ADARB1: variants seen among roughly 807,000 people sequenced by gnomAD.
ADARB1 encodes double-stranded RNA-specific editase 1.
ADARB1 carries 10 observed loss-of-function variants against 52.4 expected under a neutral mutation model. That is an observed-to-expected ratio of 0.19 (90% CI 0.12 to 0.32). ADARB1 has a LOEUF of 0.32. Among genes scored for constraint, ADARB1 ranks in the 10% least tolerant of loss-of-function variants. ADARB1 has a pLI of 1.00. For missense variants in ADARB1, 643 were observed against 922.3 expected (o/e 0.70, Z 3.92); for synonymous variants, 349 against 371.1 (o/e 0.94, Z 0.68).
In ADARB1 at chr21:45,176,118, G is replaced by A. The variant is rs753361667; in HGVS notation, c.417G>A (p.Leu139=). The A allele has an allele frequency of 1.9e-6, 3 of 1,614,064 alleles. No homozygotes were observed. The highest frequency in any genetic ancestry group is 1.7e-5 in the Admixed American group (1 of 59,988). Residue 139 remains leucine, a synonymous_variant, in exon 4 of 11, where the codon TTG becomes TTA. Transcript: ENST00000348831. This position sits in a 1 kb window ranked among gnomAD's most constrained non-coding sequence, Gnocchi z 5.8. ...AACTCCATGCTGCTGAGAAGGCCTT[G>A]AGGTCTTTCGTTCAGTTTCCTAATG... The part of the protein sequence containing the change: ...KAKLHAAEKA[L]RSFVQFPNAS...
chr21:45,104,992 A>AT (rs1303334207), intron 1 of ADARB1, among the ~76,000 whole-genome samples: 2 of 152,226 alleles, frequency 1.3e-5, no homozygotes, highest in Non-Finnish European at 2.9e-5. Flanking sequence ...AACAGGGTTA[A>AT]AGTGGAGACA....
chr21:45,110,774 A>C (rs2087497776), intron 1 of ADARB1, among the ~76,000 whole-genome samples: 1 of 152,190 alleles, frequency 6.6e-6, no homozygotes, highest in Admixed American at 6.5e-5. Context: ...TTTTAATCAG[A>C]TCTCATGGAC....
At chr21:45,170,555 G>T (rs2091438636) in intron 2 of ADARB1, among the ~76,000 whole-genome samples, 1 of 151,648 alleles carries the variant, frequency 6.6e-6, no homozygotes, top group Non-Finnish European at 1.5e-5. Flanking sequence ...TTATTAACAT[G>T]ATTTCATGAA....
At chr21:45,093,590 G>A (rs576065195) in intron 1 of ADARB1, among the ~76,000 whole-genome samples, 2 of 152,294 alleles carry the variant, frequency 1.3e-5, no homozygotes, top group African/African-American at 4.8e-5. Context: ...TCGGGGTGTT[G>A]GGAAGTTCTG....
At chr21:45,182,247 G>A (rs1208389500) in intron 5 of ADARB1, among the ~76,000 whole-genome samples, 1 of 152,138 alleles carries the variant, frequency 6.6e-6, no homozygotes, top group Non-Finnish European at 1.5e-5. Flanking sequence ...TTTCCATAGT[G>A]TTGCCCAGCT....
At chr21:45,191,866 ATATATATATATATATT>A (rs2092294793) in intron 8 of ADARB1, among the ~76,000 whole-genome samples, 1 of 13,712 alleles carries the variant, frequency 7.3e-5, no homozygotes, top group African/African-American at 2.1e-4. Context: ...ATATATATAT[ATATATATATATATATT>A]TTTTTTTTTT....
At chr21:45,139,043 C>T (rs1381502291) in intron 2 of ADARB1, among the ~76,000 whole-genome samples, 5 of 152,090 alleles carry the variant, frequency 3.3e-5, no homozygotes, top group African/African-American at 4.8e-5. Flanking sequence ...GCCACAGCCT[C>T]CTGAGTAGCT....
At position 45,148,031 on chromosome 21, in the gene ADARB1, G is replaced by T. The variant is rs186473043; in HGVS notation, c.-48+19458G>T. Among the ~76,000 whole-genome samples the T allele has an allele frequency of 2.0e-3, 305 of 152,238 alleles. 3 individuals are homozygous for T. The highest frequency in any genetic ancestry group is 6.8e-3 in the African/African-American group (281 of 41,532). Reference sequence around the variant, plus strand: ...CTCGAACTCACCCCACCAGAGGCCTGTCGGCATCACTGTCAGAAACAGGCG... The same window carrying T: ...CTCGAACTCACCCCACCAGAGGCCTTTCGGCATCACTGTCAGAAACAGGCG... On this transcript the variant is annotated intron_variant, in intron 2 of 10. Coordinates refer to ENST00000348831, the MANE Select transcript of ADARB1 (RefSeq NM_001112.4).
intron 2 of ADARB1, among the ~76,000 whole-genome samples, chr21:45,152,062 T>TAAA (rs1346431396): frequency 6.6e-6 from 1 of 152,138 alleles, no homozygotes; most frequent in African/African-American, 2.4e-5. Flanking sequence ...GGCCTGCAGT[T>TAAA]TCCTGTCCCA....
rs143459331 is a variant in ADARB1, at chr21:45,078,540, G to A, written c.-220+3747G>A. Among the ~76,000 whole-genome samples the A allele has an allele frequency of 5.4e-3, 816 of 152,304 alleles. 11 individuals carry two copies. Among genetic ancestry groups the A allele is most frequent in the African/African-American group, 0.018 (756 of 41,554 alleles). On this transcript the variant is annotated intron_variant, in intron 1 of 10. Coordinates refer to ENST00000348831, the MANE Select transcript of ADARB1 (RefSeq NM_001112.4). ...ATGGAGTGAGCTGGGCTGAGGTCAC[G>A]GCAGCAGCAGCCTCTCAGGCACAGG...
intron 1 of ADARB1, among the ~76,000 whole-genome samples, chr21:45,075,381 G>A (rs1349021342): frequency 6.6e-6 from 1 of 151,866 alleles, no homozygotes; most frequent in African/African-American, 2.4e-5. Context: ...GGGCAGGGGA[G>A]GCTGCCTTGG....
rs772741013 is a variant in ADARB1, at chr21:45,221,060, T to C, written c.1926+46T>C. On this transcript the variant is annotated intron_variant, in intron 10 of 10. Transcript: ENST00000348831. This position sits in a 1 kb window ranked among gnomAD's most constrained non-coding sequence, Gnocchi z 4.9. ...CAATGCGCCGGCTCCACCTCCCCAA[T>C]AGCTTGTCTGTCCTCACACCTACTG... The C allele has an allele frequency of 2.5e-5, 39 of 1,553,494 alleles. No homozygotes were observed. Among genetic ancestry groups the C allele is most frequent in the Non-Finnish European group, 3.0e-5 (34 of 1,147,010 alleles).
At chr21:45,088,736 G>C (rs1315589346) in intron 1 of ADARB1, among the ~76,000 whole-genome samples, 1 of 152,196 alleles carries the variant, frequency 6.6e-6, no homozygotes, top group Non-Finnish European at 1.5e-5. Flanking sequence ...GGGAAAAATA[G>C]TAACTTTAGA....
chr21:45,191,878 ATATTTTTTTTTTTTTTTTT>A (rs1440346487), intron 8 of ADARB1, among the ~76,000 whole-genome samples: 1,657 of 15,046 alleles, frequency 0.11, 4 homozygotes, highest in Middle Eastern at 0.14. Flanking sequence ...ATATATATAT[ATATTTTTTTTTTTTTTTTT>A]TTTTTTTTTT....
intron 9 of ADARB1, among the ~76,000 whole-genome samples, chr21:45,205,844 G>T (rs866594130): frequency 1.3e-5 from 2 of 152,018 alleles, no homozygotes; most frequent in South Asian, 2.1e-4. Context: ...GTTTATTTTG[G>T]GGTGTGTGTG....
At chr21:45,129,956 T>TG (rs1294079647) in intron 2 of ADARB1, among the ~76,000 whole-genome samples, 6 of 152,172 alleles carry the variant, frequency 3.9e-5, no homozygotes, top group Admixed American at 2.0e-4. Flanking sequence ...ATGCTTTTTT[T>TG]GGGGGGGTAC....
intron 1 of ADARB1, among the ~76,000 whole-genome samples, chr21:45,088,033 A>G (rs920896077): frequency 6.6e-6 from 1 of 152,218 alleles, no homozygotes; most frequent in Non-Finnish European, 1.5e-5. Context: ...TACAAATAGC[A>G]AAAGGAAGAT....
At chr21:45,162,012 A>G (rs561756675) in intron 2 of ADARB1, among the ~76,000 whole-genome samples, 2 of 152,336 alleles carry the variant, frequency 1.3e-5, no homozygotes, top group African/African-American at 4.8e-5. Flanking sequence ...ACATGGGAGA[A>G]GAACTCAGGA....
intron 8 of ADARB1, among the ~76,000 whole-genome samples, chr21:45,195,638 T>C (rs1375014159): frequency 6.6e-6 from 1 of 152,210 alleles, no homozygotes; most frequent in East Asian, 1.9e-4. Context: ...TTTATGTCCA[T>C]TGGTTCTAGC....
Sources: allele counts gnomAD v4.1 joint callset (sites outside exome capture counted in the v4.1 genomes callset), GRCh38; gene constraint gnomAD v4.1.1; non-coding constraint Gnocchi (gnomAD v3.1); transcripts MANE v1.5; gene names NCBI Gene and HGNC (gene_info 2026-07-23, HGNC 2026-07-21).